L3HYPDH: variants seen among roughly 807,000 people sequenced by gnomAD.
L3HYPDH encodes trans-3-hydroxy-L-proline dehydratase.
A neutral mutation model predicts 26.5 loss-of-function variants in L3HYPDH; 32 were observed. The observed-to-expected ratio is 1.21, with a 90% CI of 0.91 to 1.62. The LOEUF is 1.62. Among genes scored for constraint, L3HYPDH ranks in the 40% most tolerant of loss-of-function variants. L3HYPDH has a pLI of 0.00. For synonymous variants in L3HYPDH, 215 were observed against 196.6 expected (o/e 1.09, Z -0.78); for missense variants, 554 against 476.4 (o/e 1.16, Z -1.52).
the L3HYPDH span, among the ~76,000 whole-genome samples, chr14:59,502,711 A>C: frequency 1.4e-5 from 2 of 144,788 alleles, no homozygotes; most frequent in African/African-American, 5.1e-5. Flanking sequence ...GATTTGAGGG[A>C]GAAAATAGTT....
chr14:59,484,133 GCA>G lies in L3HYPDH; in HGVS notation c.182_183del (p.Val61AlafsTer137), dbSNP rs1180372441. ...CGGGGCTCGAACATGAGCCGTCGCC[GCA>G]CGTGGTCAAGGTGCTGGCGCATGTA... ...RRYMRQHLDH[V>X]RRRLMFEPRG... On this transcript the variant is annotated frameshift_variant, in exon 1 of 5. Transcript: ENST00000247194. LOFTEE classifies it high-confidence loss of function. 6 of 1,601,842 alleles carry G rather than the reference GCA, an allele frequency of 3.7e-6. 1 individual carries two copies. Among genetic ancestry groups the G allele is most frequent in the Non-Finnish European group, 5.1e-6 (6 of 1,178,922 alleles).
chr14:59,487,963 T>TGAAGA, upstream of L3HYPDH: 1 of 851,728 alleles, frequency 1.2e-6, no homozygotes, highest in East Asian at 2.4e-5. Flanking sequence ...CAGATTATTC[T>TGAAGA]TAACTGTGAC....
intron 1 of L3HYPDH, among the ~76,000 whole-genome samples, chr14:59,479,827 T>G (rs1224816619): frequency 6.6e-6 from 1 of 152,252 alleles, no homozygotes; most frequent in Non-Finnish European, 1.5e-5. Flanking sequence ...TTTTTCTATA[T>G]AAATTATATA....
At chr14:59,468,611 T>C (rs1889248252), downstream of L3HYPDH, among the ~76,000 whole-genome samples, 1 of 152,170 alleles carries the variant, frequency 6.6e-6, no homozygotes. Context: ...ATAACCATGG[T>C]CTATAATTTT....
At chr14:59,466,303 G>A (rs1433467362) in intron 1 of L3HYPDH, among the ~76,000 whole-genome samples, 1 of 152,192 alleles carries the variant, frequency 6.6e-6, no homozygotes, top group Non-Finnish European at 1.5e-5. Flanking sequence ...GGAGATACGG[G>A]GAAAAGAAAG....
At chr14:59,495,234 T>C in the L3HYPDH span, 5 of 1,555,884 alleles carry the variant, frequency 3.2e-6, no homozygotes, top group East Asian at 9.0e-5. Context: ...TGTAAGTGTT[T>C]ATTTCGACTT....
chr14:59,493,554 G>C, the L3HYPDH span, among the ~76,000 whole-genome samples: 3 of 152,142 alleles, frequency 2.0e-5, no homozygotes, highest in Admixed American at 6.5e-5. Flanking sequence ...TGTTCAAGTA[G>C]AAAACTCAAA....
rs751941418 is a variant in L3HYPDH, at chr14:59,483,906, G to T, written c.411C>A (p.Cys137Ter). The T allele has an allele frequency of 1.3e-5, 21 of 1,562,112 alleles. 1 individual carries two copies. In the South Asian group the frequency reaches 2.4e-4, roughly 18 times the overall value. The stretch of plus-strand genomic sequence containing the variant: ...CGAAGGCGGTCACCAGCCCGCAGGG[G>T]CAGTGGATATTGACGCGGGCCTCGC... ...GTREARVNIH[C>*]PCGLVTAFVA... is the part of the protein sequence containing the mutation. The change falls in exon 1 of 5, where the codon TGC becomes TGA. Residue 137 changes from cysteine (C) to a stop codon, truncating the protein, a stop_gained. Transcript: ENST00000247194. LOFTEE classifies it high-confidence loss of function.
chr14:59,480,181 G>T (rs1005637147), intron 1 of L3HYPDH, among the ~76,000 whole-genome samples: 2 of 152,192 alleles, frequency 1.3e-5, no homozygotes, highest in Non-Finnish European at 2.9e-5. Flanking sequence ...TAAGCTCTCA[G>T]GGGAAAGACA....
At chr14:59,477,214 T>G (rs1211175619) in intron 2 of L3HYPDH, among the ~76,000 whole-genome samples, 1 of 152,114 alleles carries the variant, frequency 6.6e-6, no homozygotes, top group Non-Finnish European at 1.5e-5. Context: ...TCCTCAAAGG[T>G]GGGGTTTGTT....
upstream of L3HYPDH, chr14:59,486,652 A>G (rs1249658346): frequency 8.7e-7 from 1 of 1,149,440 alleles, no homozygotes; most frequent in African/African-American, 1.6e-5. Flanking sequence ...TTCAGCTATT[A>G]TTGCAATTAT....
chr14:59,475,570 C>A (rs1270057527), intron 4 of L3HYPDH, among the ~76,000 whole-genome samples: 1 of 152,106 alleles, frequency 6.6e-6, no homozygotes, highest in Non-Finnish European at 1.5e-5. Flanking sequence ...CATATCACAT[C>A]GTAGCCTCTG....
At chr14:59,491,465 A>C in the L3HYPDH span, among the ~76,000 whole-genome samples, 2 of 152,264 alleles carry the variant, frequency 1.3e-5, no homozygotes, top group African/African-American at 4.8e-5. Context: ...TAATGGCAAG[A>C]AATAATGAAG....
chr14:59,472,540 G>A (rs1889344694), downstream of L3HYPDH: 1 of 153,538 alleles, frequency 6.5e-6, no homozygotes, highest in Admixed American at 6.5e-5. Flanking sequence ...TCCTTTACAT[G>A]CTGCTTATAG....
At chr14:59,489,178 C>T (rs966833492), upstream of L3HYPDH, among the ~76,000 whole-genome samples, 2 of 130,778 alleles carry the variant, frequency 1.5e-5, no homozygotes, top group African/African-American at 3.2e-5. Context: ...TTTTAGACTC[C>T]GCTTTCCTTT....
At chr14:59,499,934 G>T in the L3HYPDH span, among the ~76,000 whole-genome samples, 1 of 152,132 alleles carries the variant, frequency 6.6e-6, no homozygotes, top group African/African-American at 2.4e-5. Flanking sequence ...TTTTGAGGTT[G>T]CCATTCTTGC....
At chr14:59,484,754 G>C, upstream of L3HYPDH, 4 of 1,006,170 alleles carry the variant, frequency 4.0e-6, no homozygotes, top group Non-Finnish European at 1.5e-6. Flanking sequence ...CACTCCTGCG[G>C]GGTTGGGGTG....
At chr14:59,487,301 A>T (rs995916712), upstream of L3HYPDH, 2 of 155,226 alleles carry the variant, frequency 1.3e-5, no homozygotes, top group African/African-American at 4.8e-5. Context: ...TTTTTAAAAC[A>T]TTTAATAATT....
At chr14:59,491,896 GGTA>G in the L3HYPDH span, among the ~76,000 whole-genome samples, 1 of 152,218 alleles carries the variant, frequency 6.6e-6, no homozygotes, top group Admixed American at 6.5e-5. Flanking sequence ...TGAAGCCTAA[GGTA>G]GTAGTGGCCA....
Sources: gnomAD v4.1 joint callset for allele counts (sites outside exome capture counted in the v4.1 genomes callset) on GRCh38, gnomAD v4.1.1 for gene constraint, MANE v1.5 for transcripts, NCBI Gene and HGNC (gene_info 2026-07-23, HGNC 2026-07-21) for gene names.